UBE2E2: variants seen among roughly 807,000 people sequenced by gnomAD.
UBE2E2 encodes ubiquitin conjugating enzyme E2 E2, also known as ubiquitin-conjugating enzyme E2 E2.
Under a neutral mutation model 24.7 loss-of-function variants are expected in UBE2E2, and 6 were observed. The observed-to-expected ratio is 0.24, with a 90% CI of 0.13 to 0.48. The LOEUF (loss-of-function observed/expected upper bound fraction) is 0.48. Ranked by LOEUF, UBE2E2 falls within the 20% of genes least tolerant of loss-of-function variation. The probability of loss-of-function intolerance (pLI) is 0.99; values close to 1 mark genes in which losing one functional copy is unlikely to be tolerated. For synonymous variants in UBE2E2, 104 were observed against 83.6 expected (o/e 1.24, Z -1.33); for missense variants, 169 against 245.0 (o/e 0.69, Z 2.07).
chr3:23,270,436 A>C (rs9842159), intron 3 of UBE2E2, among the ~76,000 whole-genome samples: 6,422 of 152,170 alleles, frequency 0.042, 467 homozygotes, highest in African/African-American at 0.15. Context: ...TCTGTACCTC[A>C]GGTAGGAACC....
At chr3:23,277,752 T>G (rs1698402931) in intron 3 of UBE2E2, among the ~76,000 whole-genome samples, 1 of 152,086 alleles carries the variant, frequency 6.6e-6, no homozygotes, top group African/African-American at 2.4e-5. Context: ...TTCTGGGCTC[T>G]AAGGCTATGT....
At chr3:23,580,686 A>T (rs1696456232) in intron 5 of UBE2E2, among the ~76,000 whole-genome samples, 1 of 152,204 alleles carries the variant, frequency 6.6e-6, no homozygotes, top group Non-Finnish European at 1.5e-5. Context: ...GACACATAAG[A>T]CTGCTAGGAA....
At chr3:23,448,099 C>G (rs2125413996) in intron 3 of UBE2E2, among the ~76,000 whole-genome samples, 1 of 151,944 alleles carries the variant, frequency 6.6e-6, no homozygotes, top group Non-Finnish European at 1.5e-5. Context: ...AATGGATAAG[C>G]CAGTTGTGAA....
chr3:23,478,294 T>C (rs1699181587), intron 3 of UBE2E2, among the ~76,000 whole-genome samples: 1 of 152,176 alleles, frequency 6.6e-6, no homozygotes. Context: ...GGCAACAACA[T>C]AACCAGGGGT....
chr3:23,575,426 A>G (rs1696325546), intron 5 of UBE2E2, among the ~76,000 whole-genome samples: 1 of 152,208 alleles, frequency 6.6e-6, no homozygotes, highest in Admixed American at 6.6e-5. Context: ...ACTGAGGCCA[A>G]AGCTTAGTTA....
At position 23,255,976 on chromosome 3, in the gene UBE2E2, A is replaced by G. The variant is rs188999641; in HGVS notation, c.227+38664A>G. ...GGCAACACGGCAAGACTCTGCCTCT[A>G]AAAATAAATAAAAGACAGCTTCTGA... On this transcript the variant is annotated intron_variant, in intron 3 of 5. Coordinates refer to ENST00000396703, the MANE Select transcript of UBE2E2 (RefSeq NM_152653.4). 3.9e-5 allele frequency among the ~76,000 whole-genome samples: 6 copies of G among 152,352 alleles called. No individual in the cohort carries two copies. The East Asian group carries it at 1.2e-3, about 29-fold the overall frequency.
chr3:23,253,848 A>G (rs1309708210), intron 3 of UBE2E2, among the ~76,000 whole-genome samples: 1 of 152,240 alleles, frequency 6.6e-6, no homozygotes, highest in Non-Finnish European at 1.5e-5. Context: ...TTTATAAAGT[A>G]TAAATATGAA....
chr3:23,374,479 T>G (rs1575592586), intron 3 of UBE2E2, among the ~76,000 whole-genome samples: 1 of 152,338 alleles, frequency 6.6e-6, no homozygotes, highest in Admixed American at 6.5e-5. Context: ...AAAATGCTAC[T>G]TAGGCAGGTT....
intron 5 of UBE2E2, among the ~76,000 whole-genome samples, chr3:23,568,101 C>T (rs1696119437): frequency 6.6e-6 from 1 of 152,222 alleles, no homozygotes; most frequent in African/African-American, 2.4e-5. Flanking sequence ...ACAGTTTTTC[C>T]ACAGTCAAAG....
At chr3:23,313,750 TC>T (rs1694484353) in intron 3 of UBE2E2, among the ~76,000 whole-genome samples, 1 of 152,164 alleles carries the variant, frequency 6.6e-6, no homozygotes, top group Admixed American at 6.5e-5. Context: ...CCACTTACAT[TC>T]AGTGTTGTTA....
At chr3:23,364,102 G>T (rs1696197170) in intron 3 of UBE2E2, among the ~76,000 whole-genome samples, 1 of 151,910 alleles carries the variant, frequency 6.6e-6, no homozygotes, top group Non-Finnish European at 1.5e-5. Flanking sequence ...AATCTCTGGG[G>T]CACAACTAAA....
At chr3:23,309,836 A>G (rs978523497) in intron 3 of UBE2E2, among the ~76,000 whole-genome samples, 1 of 152,012 alleles carries the variant, frequency 6.6e-6, no homozygotes, top group Non-Finnish European at 1.5e-5. Flanking sequence ...TCTTCCCTGT[A>G]TAGATCTCTC....
chr3:23,571,888 A>G (rs1472182021), intron 5 of UBE2E2, among the ~76,000 whole-genome samples: 1 of 151,820 alleles, frequency 6.6e-6, no homozygotes, highest in Non-Finnish European at 1.5e-5. Flanking sequence ...CACAAACTAC[A>G]CTCCCAAGGT....
chr3:23,339,428 T>C (rs1002279109), intron 3 of UBE2E2, among the ~76,000 whole-genome samples: 1 of 152,132 alleles, frequency 6.6e-6, no homozygotes, highest in African/African-American at 2.4e-5. Context: ...AGTATTAGTT[T>C]CCTGATTTAG....
intron 3 of UBE2E2, among the ~76,000 whole-genome samples, chr3:23,496,091 A>G (rs1342607260): frequency 6.6e-6 from 1 of 152,196 alleles, no homozygotes; most frequent in African/African-American, 2.4e-5. Flanking sequence ...AGACTTTGAC[A>G]TAGATATGTA....
intron 3 of UBE2E2, among the ~76,000 whole-genome samples, chr3:23,265,242 T>C (rs981561773): frequency 2.0e-5 from 3 of 152,144 alleles, no homozygotes; most frequent in African/African-American, 4.8e-5. Context: ...AAGGTGAGTA[T>C]GGTTGAACTT....
At chr3:23,260,961 G>T (rs967530287) in intron 3 of UBE2E2, among the ~76,000 whole-genome samples, 11 of 152,040 alleles carry the variant, frequency 7.2e-5, no homozygotes, top group African/African-American at 2.7e-4. Context: ...AAATTACCTG[G>T]GCGTGGTGGC....
chr3:23,229,063 T>C (rs1696904892), intron 3 of UBE2E2, among the ~76,000 whole-genome samples: 1 of 152,188 alleles, frequency 6.6e-6, no homozygotes, highest in South Asian at 2.1e-4. Context: ...TTACAACTCT[T>C]TTACCCGTTT....
At chr3:23,436,038 T>A (rs889255292) in intron 3 of UBE2E2, among the ~76,000 whole-genome samples, 8 of 152,044 alleles carry the variant, frequency 5.3e-5, no homozygotes, top group African/African-American at 1.9e-4. Context: ...GCTATGAGGA[T>A]CTAATGCCAC....
Sources: allele counts gnomAD v4.1 joint callset (sites outside exome capture counted in the v4.1 genomes callset), GRCh38; gene constraint gnomAD v4.1.1; transcripts MANE v1.5; gene names NCBI Gene and HGNC (gene_info 2026-07-23, HGNC 2026-07-21).